The following ST6GALNAC3 variants were observed in gnomAD, a reference collection of about 807,000 sequenced individuals.
ST6GALNAC3 encodes alpha-N-acetylgalactosaminide alpha-2,6-sialyltransferase 3.
ST6GALNAC3 carries 25 observed loss-of-function variants against 32.7 expected under a neutral mutation model. The observed-to-expected ratio is 0.76, with a 90% confidence interval of 0.56 to 1.07. ST6GALNAC3 has a LOEUF of 1.07. Among genes scored for constraint, ST6GALNAC3 ranks in the 50% least tolerant of loss-of-function variants. The probability of loss-of-function intolerance (pLI) is 0.00; values close to 1 mark genes in which losing one functional copy is unlikely to be tolerated. For synonymous variants in ST6GALNAC3, 129 were observed against 133.1 expected (o/e 0.97, Z 0.21); for missense variants, 355 against 382.4 (o/e 0.93, Z 0.60).
At chr1:76,624,084 G>C (rs1479993756) in intron 3 of ST6GALNAC3, among the ~76,000 whole-genome samples, 1 of 151,898 alleles carries the variant, frequency 6.6e-6, no homozygotes, top group Non-Finnish European at 1.5e-5. Context: ...AGGCATCAGG[G>C]AAAGGAACTG....
chr1:76,440,745 G>T (rs1656517885), intron 3 of ST6GALNAC3, among the ~76,000 whole-genome samples: 1 of 152,132 alleles, frequency 6.6e-6, no homozygotes, highest in African/African-American at 2.4e-5. Flanking sequence ...ATTGGGCAAA[G>T]AAGGCAAGAT....
chr1:76,523,517 A>G (rs1240548369), intron 3 of ST6GALNAC3, among the ~76,000 whole-genome samples: 1 of 152,192 alleles, frequency 6.6e-6, no homozygotes, highest in Admixed American at 6.5e-5. Flanking sequence ...AGAGGCTATC[A>G]CCTTAATTTA....
intron 4 of ST6GALNAC3, 35 bp from the exon 5 acceptor site, chr1:76,628,585 A>G (rs763751317): frequency 6.5e-7 from 1 of 1,540,574 alleles, no homozygotes; most frequent in African/African-American, 1.4e-5. Context: ...CTTCATCTCA[A>G]TCTTTCTCTC....
intron 2 of ST6GALNAC3, among the ~76,000 whole-genome samples, chr1:76,387,276 C>A (rs909929031): frequency 2.0e-5 from 3 of 152,132 alleles, no homozygotes; most frequent in African/African-American, 7.2e-5. Context: ...TCCCTGAGGA[C>A]AGGGACTTTG....
At chr1:76,411,853 CTG>C (rs1289707996) in intron 2 of ST6GALNAC3, 153 bp from the exon 3 acceptor site, 1 of 703,036 alleles carries the variant, frequency 1.4e-6, no homozygotes, top group East Asian at 2.8e-5. Flanking sequence ...ACTTGATAAT[CTG>C]TGGCAGCGAC....
At chr1:76,565,074 G>T (rs564539301) in intron 3 of ST6GALNAC3, among the ~76,000 whole-genome samples, 1 of 152,258 alleles carries the variant, frequency 6.6e-6, no homozygotes, top group African/African-American at 2.4e-5. Context: ...AAGGGTGGGA[G>T]GATGTCTCTC....
intron 1 of ST6GALNAC3, among the ~76,000 whole-genome samples, chr1:76,117,422 T>C (rs1648553032): frequency 6.6e-6 from 1 of 152,272 alleles, no homozygotes; most frequent in South Asian, 2.1e-4. Flanking sequence ...CTTTCACTTG[T>C]AGCAGTTCTC....
intron 1 of ST6GALNAC3, among the ~76,000 whole-genome samples, chr1:76,112,545 G>T (rs955850274): frequency 6.6e-6 from 1 of 151,888 alleles, no homozygotes; most frequent in Non-Finnish European, 1.5e-5. Flanking sequence ...CCCGGACGGG[G>T]TGGCTGCCGG....
chr1:76,384,741 A>G (rs1318578860), intron 2 of ST6GALNAC3, among the ~76,000 whole-genome samples: 1 of 152,104 alleles, frequency 6.6e-6, no homozygotes, highest in Non-Finnish European at 1.5e-5. Context: ...GATAATGAGA[A>G]CATACACTTA....
At chr1:76,197,276 T>C (rs1654257338) in intron 1 of ST6GALNAC3, among the ~76,000 whole-genome samples, 1 of 152,228 alleles carries the variant, frequency 6.6e-6, no homozygotes, top group African/African-American at 2.4e-5. Context: ...TTTTAAATCC[T>C]ACATTCACTT....
At chr1:76,557,701 C>T (rs910416782) in intron 3 of ST6GALNAC3, among the ~76,000 whole-genome samples, 4 of 152,026 alleles carry the variant, frequency 2.6e-5, no homozygotes, top group Admixed American at 6.6e-5. Context: ...GTTATTCTAC[C>T]TCTCTCCCCA....
chr1:76,196,234 CTTGGTGGGATTGTTAAAATACGGA>C (rs1304622144), intron 1 of ST6GALNAC3, among the ~76,000 whole-genome samples: 1 of 152,026 alleles, frequency 6.6e-6, no homozygotes, highest in Non-Finnish European at 1.5e-5. Context: ...AGCAGAATGC[CTTGGTGGGATTGTTAAAATACGGA>C]TTGCTGGGCC....
At chr1:76,619,139 T>C (rs1014090484) in intron 3 of ST6GALNAC3, among the ~76,000 whole-genome samples, 1 of 152,118 alleles carries the variant, frequency 6.6e-6, no homozygotes, top group African/African-American at 2.4e-5. Context: ...TACCATTCCT[T>C]CTCCCAGAAG....
At chr1:76,270,507 C>CA (rs34410935) in intron 1 of ST6GALNAC3, among the ~76,000 whole-genome samples, 2,321 of 64,094 alleles carry the variant, frequency 0.036, 112 homozygotes, top group African/African-American at 0.046. Context: ...AACTCTGTCT[C>CA]AAAAAAAAAA....
chr1:76,279,491 G>A (rs532827492), intron 1 of ST6GALNAC3, among the ~76,000 whole-genome samples: 95 of 152,346 alleles, frequency 6.2e-4, no homozygotes, highest in African/African-American at 2.2e-3. Context: ...AGAGCTTCGC[G>A]GGTGGGGGGA....
In ST6GALNAC3 at chr1:76,509,818, T is replaced by C. The variant is rs1194250726; in HGVS notation, c.623+97401T>C. On this transcript the variant is annotated intron_variant, in intron 3 of 4. Coordinates refer to ENST00000328299, the MANE Select transcript of ST6GALNAC3 (RefSeq NM_152996.4). This position sits in a 1 kb window ranked among gnomAD's most constrained non-coding sequence, Gnocchi z 5.5. ...TTTTCCTCACATTGCTGTTTCTCTA[T>C]TTCTCTTTTAAGGACCCCCATGGTT... is the stretch of plus-strand genomic sequence containing the variant. Among the ~76,000 whole-genome samples, 1 of 152,192 alleles carries C rather than the reference T, an allele frequency of 6.6e-6. No individual in the cohort carries two copies. Among genetic ancestry groups the C allele is most frequent in the Non-Finnish European group, 1.5e-5 (1 of 68,026 alleles).
intron 3 of ST6GALNAC3, among the ~76,000 whole-genome samples, chr1:76,550,806 A>C (rs1033509030): frequency 3.3e-5 from 5 of 152,092 alleles, no homozygotes; most frequent in Non-Finnish European, 5.9e-5. Flanking sequence ...GCTGGAATGC[A>C]ATGGAGCGAT....
intron 3 of ST6GALNAC3, among the ~76,000 whole-genome samples, chr1:76,625,680 G>C (rs1250012587): frequency 6.6e-6 from 1 of 151,846 alleles, no homozygotes. Flanking sequence ...TCAAACCCCA[G>C]AATGCAGGAT....
intron 1 of ST6GALNAC3, among the ~76,000 whole-genome samples, chr1:76,267,572 A>C (rs1485209061): frequency 6.6e-6 from 1 of 152,244 alleles, no homozygotes; most frequent in Non-Finnish European, 1.5e-5. Context: ...AGGTTGAATA[A>C]GAATCTGATC....
Sources: allele counts gnomAD v4.1 joint callset (sites outside exome capture counted in the v4.1 genomes callset), GRCh38; gene constraint gnomAD v4.1.1; non-coding constraint Gnocchi (gnomAD v3.1); transcripts MANE v1.5; gene names NCBI Gene and HGNC (gene_info 2026-07-23, HGNC 2026-07-21).